CSMD3: variants seen among roughly 807,000 people sequenced by gnomAD.
CSMD3 encodes the protein CUB and sushi domain-containing protein 3.
A neutral mutation model predicts 435.2 loss-of-function variants in CSMD3; 177 were observed. The ratio of observed to expected loss-of-function variants is 0.41; its 90% CI spans 0.36 to 0.46. The LOEUF (loss-of-function observed/expected upper bound fraction) is 0.46. CSMD3 is among the 20% of genes least tolerant of loss of function. CSMD3 has a pLI of 0.34. For missense variants in CSMD3, 4,265 were observed against 4,504.6 expected, an observed-to-expected ratio of 0.95 and a Z score of 1.52; for synonymous variants, 1,656 against 1,520.5, an observed-to-expected ratio of 1.09 and a Z score of -2.07.
At chr8:113,334,125 T>G (rs2094049985) in intron 1 of CSMD3, among the ~76,000 whole-genome samples, 1 of 151,914 alleles carries the variant, frequency 6.6e-6, no homozygotes, top group African/African-American at 2.4e-5. Context: ...TGTAACCCAG[T>G]TGAACTCACT....
intron 68 of CSMD3, among the ~76,000 whole-genome samples, 193 bp from the exon 69 acceptor site, chr8:112,231,825 T>G (rs1813112442): frequency 6.6e-6 from 1 of 152,190 alleles, no homozygotes; most frequent in Non-Finnish European, 1.5e-5. Context: ...ATTTTCTAAT[T>G]TGAAATAATT....
Position 112,982,390 on chromosome 8 carries a change from G to A in CSMD3, c.1031-6242C>T, listed in dbSNP as rs930305708. ...CATTTCACAATAAGAGAAAGAATAGGATGCCCCTCTACATCTTTGTACAAC... is the reference window on the plus strand; with the variant it reads ...CATTTCACAATAAGAGAAAGAATAGAATGCCCCTCTACATCTTTGTACAAC... On this transcript the variant is annotated intron_variant, in intron 6 of 70. Transcript: ENST00000297405. Among the ~76,000 whole-genome samples the A allele has an allele frequency of 2.6e-5, 4 of 151,986 alleles. No individual in the cohort carries two copies. In the South Asian group the frequency reaches 8.3e-4, roughly 32 times the overall value.
intron 22 of CSMD3, among the ~76,000 whole-genome samples, chr8:112,624,983 G>A (rs1834362999): frequency 6.6e-6 from 1 of 151,772 alleles, no homozygotes; most frequent in Non-Finnish European, 1.5e-5. Flanking sequence ...GGCATTGTAA[G>A]ATCAATAAAT....
intron 5 of CSMD3, among the ~76,000 whole-genome samples, chr8:113,062,821 T>C (rs990303510): frequency 6.6e-6 from 1 of 151,858 alleles, no homozygotes; most frequent in African/African-American, 2.4e-5. Context: ...GTATGTATGG[T>C]ATAACCTATG....
chr8:113,172,153 G>A (rs2092279331), intron 4 of CSMD3, among the ~76,000 whole-genome samples: 1 of 152,114 alleles, frequency 6.6e-6, no homozygotes, highest in South Asian at 2.1e-4. Context: ...CAACAGTCTT[G>A]TGTTTTTCAT....
intron 8 of CSMD3, among the ~76,000 whole-genome samples, chr8:112,950,146 G>C (rs1379757275): frequency 6.6e-6 from 1 of 151,658 alleles, no homozygotes; most frequent in Non-Finnish European, 1.5e-5. Context: ...TAAAAATAGA[G>C]AAAAAACATT....
chr8:112,726,737 C>A (rs1189728463), intron 13 of CSMD3, among the ~76,000 whole-genome samples: 2 of 151,632 alleles, frequency 1.3e-5, no homozygotes, highest in East Asian at 1.9e-4. Context: ...GTTATAACAA[C>A]AACGTAATGA....
chr8:112,361,572 C>CATATATATATATATATATAT (rs4030099), intron 38 of CSMD3, among the ~76,000 whole-genome samples: 1 of 107,204 alleles, frequency 9.3e-6, no homozygotes, highest in Admixed American at 1.1e-4. Context: ...TATACACATA[C>CATATATATATATATATATAT]ATATATATAT....
intron 1 of CSMD3, among the ~76,000 whole-genome samples, chr8:113,428,706 G>A (rs1238407459): frequency 6.6e-6 from 1 of 151,786 alleles, no homozygotes; most frequent in Admixed American, 6.6e-5. Context: ...ACATAAGAAT[G>A]TCTCGTATCC....
At chr8:112,660,367 C>T (rs377351013) in intron 17 of CSMD3, among the ~76,000 whole-genome samples, 5 of 152,190 alleles carry the variant, frequency 3.3e-5, no homozygotes, top group East Asian at 3.9e-4. Flanking sequence ...ATAAAATTCA[C>T]TTATTTTTAA....
At chr8:112,560,339 A>G (rs1828507508) in intron 24 of CSMD3, among the ~76,000 whole-genome samples, 1 of 151,594 alleles carries the variant, frequency 6.6e-6, no homozygotes, top group Non-Finnish European at 1.5e-5. Flanking sequence ...TTGTTTTTGT[A>G]TAGCTGAAAT....
rs2093381257 is a variant in CSMD3 at position 113,256,424 on chromosome 8, C to G, written c.514+22168G>C. ...CAGATTAAGACCTAATGGCCACTGC[C>G]AAATTAACTAAAGGAATCATTACAA... is the stretch of plus-strand genomic sequence containing the variant. On this transcript the variant is annotated intron_variant, in intron 3 of 70. Transcript: ENST00000297405. Among the ~76,000 whole-genome samples the G allele has an allele frequency of 4.6e-5, 7 of 152,126 alleles. No individual in the cohort carries two copies. The South Asian group carries it at 1.4e-3, about 32-fold the overall frequency.
chr8:113,098,844 C>T lies in CSMD3; in HGVS notation c.829G>A (p.Asp277Asn), dbSNP rs1274601473. The T allele has an allele frequency of 5.0e-6, 8 of 1,612,416 alleles. No individual in the cohort carries two copies. Among genetic ancestry groups the T allele is most frequent in the Non-Finnish European group, 6.8e-6 (8 of 1,178,786 alleles). ...CTWTIVAEPGDTISLIFTDFQ... is the reference protein window; with the variant it reads ...CTWTIVAEPGNTISLIFTDFQ... The stretch of plus-strand genomic sequence containing the variant: ...TCAGTAAATATGAGTGAAATTGTGT[C>T]CCCAGGCTCTGCTACAATGGTCCAA... Residue 277 changes from aspartate (D) to asparagine (N), a missense_variant, in exon 5 of 71, where the codon GAC becomes AAC. By Grantham distance (23) the Asp-to-Asn change is conservative. Around this residue, in one of 3 missense-constraint regions of CSMD3, gnomAD observed 731 missense variants for 755.4 expected, o/e 0.97. Transcript: ENST00000297405.
chr8:113,400,112 T>A (rs1171603874), intron 1 of CSMD3, among the ~76,000 whole-genome samples: 3 of 151,948 alleles, frequency 2.0e-5, no homozygotes, highest in African/African-American at 7.2e-5. Context: ...ATATTAACTT[T>A]CCAGATTTAA....
intron 47 of CSMD3, among the ~76,000 whole-genome samples, chr8:112,315,386 A>C (rs1314267303): frequency 6.6e-5 from 10 of 152,066 alleles, no homozygotes; most frequent in Non-Finnish European, 8.8e-5. Flanking sequence ...TCAGACCAAA[A>C]TTATGAACAT....
chr8:112,790,235 G>A (rs1254252339), intron 13 of CSMD3, among the ~76,000 whole-genome samples: 2 of 151,894 alleles, frequency 1.3e-5, no homozygotes, highest in Non-Finnish European at 2.9e-5. Flanking sequence ...CAAATATATG[G>A]TGAAAACATT....
chr8:112,874,505 T>TAA (rs1344339164), intron 10 of CSMD3, among the ~76,000 whole-genome samples: 2 of 152,134 alleles, frequency 1.3e-5, no homozygotes, highest in Admixed American at 1.3e-4. Context: ...AGTGGAGTGT[T>TAA]AAAGTCTTCC....
Position 112,552,640 on chromosome 8 carries a change from G to A in CSMD3, c.4315C>T (p.Leu1439=), listed in dbSNP as rs144456831. ...PGYPFPYDNN[L]RCMWMIEVDP... ...ACCTCAATCATCCACATGCAACGCA[G>A]GTTATTGTCATATGGAAAAGGATAG... is the stretch of plus-strand genomic sequence containing the variant. Residue 1439 remains leucine (L), a synonymous_variant, in exon 26 of 71, where the codon CTG becomes TTG. Transcript: ENST00000297405. 1.1e-5 allele frequency: 18 copies of A among 1,611,978 alleles called. No homozygotes were observed. In the African/African-American group the frequency reaches 2.1e-4, roughly 19 times the overall value.
chr8:112,234,569 G>C, intron 67 of CSMD3, 92 bp from the exon 68 acceptor site: 1 of 782,222 alleles, frequency 1.3e-6, no homozygotes, highest in South Asian at 1.5e-5. Flanking sequence ...GATTATGTAA[G>C]ATATGTAATT....
Sources: allele counts gnomAD v4.1 joint callset (sites outside exome capture counted in the v4.1 genomes callset), GRCh38; gene constraint gnomAD v4.1.1; regional missense constraint gnomAD v4.1.1; transcripts MANE v1.5; gene names NCBI Gene and HGNC (gene_info 2026-07-23, HGNC 2026-07-21).